NFATC3: variants seen among roughly 807,000 people sequenced by gnomAD.
The protein encoded by NFATC3 is nuclear factor of activated T-cells, cytoplasmic 3.
A neutral mutation model predicts 98.6 loss-of-function variants in NFATC3; 46 were observed. The ratio of observed to expected loss-of-function variants is 0.47; its 90% CI spans 0.37 to 0.60. NFATC3 has a LOEUF of 0.60. Among genes scored for constraint, NFATC3 ranks in the 20% least tolerant of loss-of-function variants. NFATC3 has a pLI of 0.00. For missense variants in NFATC3, 1,256 were observed against 1,295.5 expected (o/e 0.97, Z 0.47); for synonymous variants, 512 against 472.2 (o/e 1.08, Z -1.09).
chr16:68,106,441 A>G (rs1464945818), intron 1 of NFATC3, among the ~76,000 whole-genome samples: 4 of 151,544 alleles, frequency 2.6e-5, no homozygotes, highest in Non-Finnish European at 5.9e-5. Flanking sequence ...ACAGGTGTGC[A>G]CCATCACGCC....
intron 1 of NFATC3, among the ~76,000 whole-genome samples, chr16:68,110,803 T>G (rs1041934109): frequency 6.6e-6 from 1 of 152,184 alleles, no homozygotes; most frequent in Non-Finnish European, 1.5e-5. Context: ...TGCTATAAAT[T>G]TCCCTCTTAA....
chr16:68,148,152 G>T (rs1162055685), intron 3 of NFATC3, among the ~76,000 whole-genome samples: 1 of 152,006 alleles, frequency 6.6e-6, no homozygotes, highest in African/African-American at 2.4e-5. Flanking sequence ...GAGTAGCTGG[G>T]ATTAGAGGCA....
chr16:68,183,779 G>T (rs373655581), intron 8 of NFATC3, among the ~76,000 whole-genome samples: 2 of 152,114 alleles, frequency 1.3e-5, no homozygotes, highest in African/African-American at 4.8e-5. Context: ...CGAGGCGGGA[G>T]GATCACCTGA....
chr16:68,128,977 T>C (rs1216236826), intron 3 of NFATC3, among the ~76,000 whole-genome samples: 1 of 152,000 alleles, frequency 6.6e-6, no homozygotes, highest in East Asian at 1.9e-4. Context: ...ACCCTTGTAG[T>C]CCCAGCTACT....
intron 9 of NFATC3, among the ~76,000 whole-genome samples, chr16:68,219,063 A>G (rs542991113): frequency 2.0e-5 from 3 of 151,088 alleles, no homozygotes; most frequent in African/African-American, 7.3e-5. Flanking sequence ...GGGCAACATA[A>G]TAAGACCCTG....
At chr16:68,136,731 T>C (rs1028653306) in intron 3 of NFATC3, among the ~76,000 whole-genome samples, 1 of 152,140 alleles carries the variant, frequency 6.6e-6, no homozygotes, top group Non-Finnish European at 1.5e-5. Context: ...CTAGATGGTA[T>C]ACCCTAATAT....
chr16:68,134,421 T>C (rs2037280053), intron 3 of NFATC3, among the ~76,000 whole-genome samples: 1 of 151,840 alleles, frequency 6.6e-6, no homozygotes, highest in Admixed American at 6.6e-5. Context: ...ACTCTTGGCT[T>C]CAAGTGATTG....
Position 68,183,326 on chromosome 16 carries a change from G to A in NFATC3, c.2058G>A (p.Lys686=), listed in dbSNP as rs753136816. 1.9e-6 allele frequency: 3 copies of A among 1,613,570 alleles called. No individual in the cohort carries two copies. In the East Asian group the frequency reaches 6.7e-5, roughly 36 times the overall value. ...TGCACTTTTATCTTTGCAATGGCAA[G>A]AGGAAAAAAAGCCAGTCTCAACGTT... The part of the protein sequence containing the change: ...VQVHFYLCNG[K]RKKSQSQRFT... Residue 686 remains lysine (K), a synonymous_variant, in exon 8 of 10, where the codon AAG becomes AAA. Coordinates refer to ENST00000346183, the MANE Select transcript of NFATC3 (RefSeq NM_173165.3).
chr16:68,202,192 G>A (rs1443039675), intron 9 of NFATC3, among the ~76,000 whole-genome samples: 1 of 152,054 alleles, frequency 6.6e-6, no homozygotes, highest in Admixed American at 6.6e-5. Flanking sequence ...ACCTGATGCT[G>A]TGCTGAAAAC....
chr16:68,165,392 C>CTTTTTTTTTTTTTTTTT (rs869025719), intron 4 of NFATC3, among the ~76,000 whole-genome samples: 2 of 104,382 alleles, frequency 1.9e-5, no homozygotes, highest in Non-Finnish European at 4.0e-5. Context: ...TTTTCTTTTT[C>CTTTTTTTTTTTTTTTTT]TTTTTTTTTT....
chr16:68,106,286 T>G (rs2035650397), intron 1 of NFATC3, among the ~76,000 whole-genome samples: 3 of 151,948 alleles, frequency 2.0e-5, no homozygotes, highest in Admixed American at 2.0e-4. Flanking sequence ...TTCTTTTTTC[T>G]TTTCTTTTTC....
At chr16:68,191,966 T>C in intron 9 of NFATC3, 191 bp downstream of exon 9, 2 of 604,812 alleles carry the variant, frequency 3.3e-6, no homozygotes, top group South Asian at 4.1e-5. Context: ...CCCAGCACTT[T>C]GGAAGGCTGA....
intron 9 of NFATC3, among the ~76,000 whole-genome samples, chr16:68,212,956 A>ATTTT (rs1234209557): frequency 4.3e-5 from 5 of 117,606 alleles, no homozygotes; most frequent in African/African-American, 1.6e-4. Flanking sequence ...CGCCTGGCTG[A>ATTTT]TTTTTTTTTT....
intron 3 of NFATC3, among the ~76,000 whole-genome samples, chr16:68,149,377 T>C (rs1304353614): frequency 6.6e-6 from 1 of 152,244 alleles, no homozygotes; most frequent in African/African-American, 2.4e-5. Context: ...AAATAAACTT[T>C]ACTTTTAACA....
chr16:68,187,506 A>G (rs548005624), intron 8 of NFATC3, among the ~76,000 whole-genome samples: 41 of 152,128 alleles, frequency 2.7e-4, no homozygotes, highest in South Asian at 1.0e-3. Context: ...TTTGAGCAAT[A>G]GAAGAGCTCA....
intron 1 of NFATC3, among the ~76,000 whole-genome samples, chr16:68,095,213 T>G (rs749075790): frequency 5.9e-5 from 9 of 151,518 alleles, no homozygotes; most frequent in Non-Finnish European, 1.2e-4. Flanking sequence ...TTTTTTTTTT[T>G]TGAGAGAGAA....
chr16:68,163,901 G>A (rs972586121), intron 4 of NFATC3, among the ~76,000 whole-genome samples: 2 of 150,500 alleles, frequency 1.3e-5, no homozygotes, highest in African/African-American at 4.9e-5. Context: ...GGGCAGAGAC[G>A]CTCCTCACTT....
Position 68,168,498 on chromosome 16 carries a change from A to T in NFATC3, c.1774+1483A>T, listed in dbSNP as rs562205209. On this transcript the variant is annotated intron_variant, in intron 5 of 9. Coordinates refer to ENST00000346183, the MANE Select transcript of NFATC3 (RefSeq NM_173165.3). Reference sequence around the variant, plus strand: ...TATTATTATTATTATTATTATTATTATTTTTTAGACGGAGCCTCCCTCTTT... The same window carrying T: ...TATTATTATTATTATTATTATTATTTTTTTTTAGACGGAGCCTCCCTCTTT... Among the ~76,000 whole-genome samples the T allele has an allele frequency of 8.7e-3, 1,188 of 136,124 alleles. 19 individuals carry two copies. The highest frequency in any genetic ancestry group is 0.032 in the African/African-American group (1,113 of 34,794). 89.3% of individuals were successfully genotyped at this position (136,124 alleles called of 152,430 possible). A position where few individuals can be genotyped will look rare whatever the true frequency, so the allele number is the denominator to read the frequency against.
At chr16:68,136,823 G>C (rs1353223041) in intron 3 of NFATC3, among the ~76,000 whole-genome samples, 1 of 152,084 alleles carries the variant, frequency 6.6e-6, no homozygotes, top group African/African-American at 2.4e-5. Context: ...CTTGAGTCCA[G>C]GATTTAGAAT....
Sources: allele counts gnomAD v4.1 joint callset (sites outside exome capture counted in the v4.1 genomes callset), GRCh38; gene constraint gnomAD v4.1.1; transcripts MANE v1.5; gene names NCBI Gene and HGNC (gene_info 2026-07-23, HGNC 2026-07-21).